The following NEXN variants were observed in gnomAD, a reference collection of about 807,000 sequenced individuals.
The protein encoded by NEXN is nexilin.
A neutral mutation model predicts 92.6 loss-of-function variants in NEXN; 65 were observed. The ratio of observed to expected loss-of-function variants is 0.70; its 90% CI spans 0.57 to 0.86. The LOEUF (loss-of-function observed/expected upper bound fraction) is 0.86. NEXN is among the 40% of genes least tolerant of loss of function. The pLI is 0.00. For missense variants in NEXN, 778 were observed against 771.1 expected (o/e 1.01, Z -0.11); for synonymous variants, 254 against 242.5 (o/e 1.05, Z -0.44).
In NEXN at chr1:77,929,386, TCA is replaced by T; in HGVS notation, c.936_937del (p.Ser313PhefsTer2). 1 of 1,613,320 alleles carries T rather than the reference TCA, an allele frequency of 6.2e-7. No homozygotes were observed. Among genetic ancestry groups the T allele is most frequent in the Non-Finnish European group, 8.5e-7 (1 of 1,179,854 alleles). ...GGGTACCGCCCTGGTAAACTCAAACTCAGTTTTGAAGAAATGGAAAGGCAAAG... is the reference window on the plus strand; with the variant it reads ...GGGTACCGCCCTGGTAAACTCAAACTGTTTTGAAGAAATGGAAAGGCAAAG... On this transcript the variant is annotated frameshift_variant, in exon 9 of 13. Transcript: ENST00000334785. LOFTEE classifies it high-confidence loss of function.
chr1:77,895,029 A>ATTTTTTTTTT (rs559226754), intron 1 of NEXN, among the ~76,000 whole-genome samples: 3 of 61,654 alleles, frequency 4.9e-5, no homozygotes, highest in East Asian at 5.3e-4. Context: ...CTATAGTGTA[A>ATTTTTTTTTT]TTTTTTTTTT....
chr1:77,913,738 T>C (rs1382474187), intron 1 of NEXN, among the ~76,000 whole-genome samples: 1 of 152,170 alleles, frequency 6.6e-6, no homozygotes, highest in Admixed American at 6.6e-5. Flanking sequence ...ATACTAAATA[T>C]GCTCTTACCA....
At chr1:77,934,011 A>ATTTTTT (rs71075780) in intron 10 of NEXN, among the ~76,000 whole-genome samples, 19,931 of 114,146 alleles carry the variant, frequency 0.17, 2,864 homozygotes, top group East Asian at 0.4. Flanking sequence ...CTAATTTTTA[A>ATTTTTT]TTTTTTTTTT....
intron 1 of NEXN, among the ~76,000 whole-genome samples, chr1:77,908,394 A>AT (rs34361411): frequency 0.091 from 3,308 of 36,382 alleles, 176 homozygotes; most frequent in Non-Finnish European, 0.12. Context: ...CCCTACCTCT[A>AT]TTTTTTTTTT....
intron 8 of NEXN, among the ~76,000 whole-genome samples, chr1:77,927,731 C>T (rs540647765): frequency 3.8e-4 from 58 of 151,770 alleles, no homozygotes; most frequent in African/African-American, 1.2e-3. Context: ...TTTAATCTCT[C>T]GCTGTGTTAA....
intron 1 of NEXN, among the ~76,000 whole-genome samples, chr1:77,898,192 C>T (rs545653401): frequency 2.6e-5 from 4 of 152,118 alleles, no homozygotes; most frequent in Non-Finnish European, 4.4e-5. Flanking sequence ...AAAAAGAACC[C>T]GCATCACCAA....
At position 77,933,427 on chromosome 1, in the gene NEXN, A is replaced by C. The variant is rs962026856; in HGVS notation, c.1199A>C (p.Lys400Thr). 6.2e-7 allele frequency: 1 copy of C among 1,613,658 alleles called. No individual in the cohort carries two copies. The highest frequency in any genetic ancestry group is 1.1e-5 in the South Asian group (1 of 90,972). Reference sequence around the variant, plus strand: ...CGAACAGAGGAGGAACGGAAGCATAAGCTAGAAATGGAGAAACAAGAATTT... The same window carrying C: ...CGAACAGAGGAGGAACGGAAGCATACGCTAGAAATGGAGAAACAAGAATTT... ...KRRTEEERKH[K>T]LEMEKQEFEQ... Residue 400 changes from lysine to threonine, a missense_variant, in exon 10 of 13, where the codon AAG becomes ACG. This residue lies in a region of NEXN where 532 missense variants were observed against 476.7 expected (regional missense o/e 1.12). Coordinates refer to ENST00000334785, the MANE Select transcript of NEXN (RefSeq NM_144573.4).
chr1:77,921,734 A>G (rs893560713), intron 5 of NEXN, among the ~76,000 whole-genome samples: 16 of 151,594 alleles, frequency 1.1e-4, no homozygotes, highest in Middle Eastern at 3.2e-3. Flanking sequence ...ATACACTAAA[A>G]CCCTGTCACT....
intron 5 of NEXN, among the ~76,000 whole-genome samples, chr1:77,922,874 C>A (rs945431037): frequency 6.6e-6 from 1 of 151,976 alleles, no homozygotes; most frequent in Non-Finnish European, 1.5e-5. Flanking sequence ...GGATTACAGG[C>A]GTGAGCCACA....
At position 77,935,828 on chromosome 1, in the gene NEXN, G is replaced by A. The variant is rs1557990801; in HGVS notation, c.1257G>A (p.Glu419=). The part of the protein sequence containing the change: ...EQLRQEMGEE[E]EENETFGLSR... ...CTTATTAATTTTTTTTGAAGGAAGA[G>A]GAAGAAAATGAAACCTTTGGATTGA... Residue 419 remains glutamate, a synonymous_variant, in exon 11 of 13, where the codon GAG becomes GAA. Coordinates refer to ENST00000334785, the MANE Select transcript of NEXN (RefSeq NM_144573.4). The A allele has an allele frequency of 1.2e-6, 2 of 1,611,154 alleles. No homozygotes were observed. The highest frequency in any genetic ancestry group is 1.7e-6 in the Non-Finnish European group (2 of 1,179,142).
intron 5 of NEXN, among the ~76,000 whole-genome samples, chr1:77,920,959 T>TCTC (rs1216119857): frequency 1.3e-5 from 2 of 152,196 alleles, no homozygotes; most frequent in Non-Finnish European, 2.9e-5. Context: ...GAATATCTGG[T>TCTC]CTCTGTGAAT....
intron 1 of NEXN, among the ~76,000 whole-genome samples, chr1:77,909,253 T>TCTACTAAAAATACAAAATTAG (rs1648375741): frequency 1.3e-5 from 2 of 152,080 alleles, no homozygotes; most frequent in African/African-American, 4.8e-5. Flanking sequence ...AAACCCTGTC[T>TCTACTAAAAATACAAAATTAG]CTACTAAAAA....
intron 1 of NEXN, among the ~76,000 whole-genome samples, chr1:77,906,866 G>C (rs1267503577): frequency 6.6e-6 from 1 of 151,992 alleles, no homozygotes; most frequent in Non-Finnish European, 1.5e-5. Context: ...ATGTTGCCCA[G>C]GCTGGTCCCC....
At chr1:77,929,120 C>T (rs764157553) in intron 8 of NEXN, among the ~76,000 whole-genome samples, 196 bp from the exon 9 acceptor site, 3 of 152,138 alleles carry the variant, frequency 2.0e-5, no homozygotes, top group Admixed American at 1.3e-4. Context: ...AACCTGAGTA[C>T]ATCTTTATAT....
intron 1 of NEXN, among the ~76,000 whole-genome samples, chr1:77,902,951 A>G (rs965556314): frequency 6.6e-6 from 1 of 152,180 alleles, no homozygotes; most frequent in Non-Finnish European, 1.5e-5. Flanking sequence ...TTGGAGGTAG[A>G]AAAAGGCTAC....
rs200727461 is a variant in NEXN at position 77,925,136 on chromosome 1, CA to C, written c.448-47del. ...TTACTTTCCAGTTGTTGTTTAAAAG[CA>C]AAAAGTAGAAATCTGATGTAATGTA... is the stretch of plus-strand genomic sequence containing the variant. On this transcript the variant is annotated intron_variant, in intron 5 of 12. Coordinates refer to ENST00000334785, the MANE Select transcript of NEXN (RefSeq NM_144573.4). 0.014 allele frequency: 18,114 copies of C among 1,267,978 alleles called. 178 individuals are homozygous for C. The highest frequency in any genetic ancestry group is 0.021 in the South Asian group (1,640 of 76,472). 78.5% of individuals were successfully genotyped at this position (1,267,978 alleles called of 1,614,324 possible). A position where few individuals can be genotyped will look rare whatever the true frequency, so the allele number is the denominator to read the frequency against.
intron 10 of NEXN, among the ~76,000 whole-genome samples, chr1:77,935,007 C>A (rs1372011307): frequency 6.6e-6 from 1 of 152,166 alleles, no homozygotes; most frequent in East Asian, 1.9e-4. Flanking sequence ...AGTAACTGGG[C>A]AAAAGCCTGC....
chr1:77,917,513 T>C, intron 2 of NEXN, 53 bp from the exon 3 acceptor site: 1 of 1,312,382 alleles, frequency 7.6e-7, no homozygotes, highest in Non-Finnish European at 1.1e-6. Context: ...CTTTACCTAA[T>C]TTCTTCCTAT....
intron 9 of NEXN, among the ~76,000 whole-genome samples, chr1:77,932,566 C>CA (rs954958464): frequency 7.9e-5 from 12 of 152,102 alleles, no homozygotes; most frequent in Non-Finnish European, 7.4e-5. Context: ...TTCATTCAGA[C>CA]AAAATCATGA....
Sources: gnomAD v4.1 joint callset for allele counts (sites outside exome capture counted in the v4.1 genomes callset) on GRCh38, gnomAD v4.1.1 for gene constraint, gnomAD v4.1.1 regional missense constraint, MANE v1.5 for transcripts, NCBI Gene and HGNC (gene_info 2026-07-23, HGNC 2026-07-21) for gene names.